Variants in CTBS observed in about 807,000 individuals in gnomAD.
The protein encoded by CTBS is chitobiase.
Under a neutral mutation model 44.3 loss-of-function variants are expected in CTBS, and 35 were observed. The ratio of observed to expected loss-of-function variants is 0.79; its 90% CI spans 0.60 to 1.05. CTBS has a LOEUF of 1.05. Among genes scored for constraint, CTBS ranks in the 50% least tolerant of loss-of-function variants. The pLI is 0.00. For synonymous variants in CTBS, 143 were observed against 168.0 expected, an observed-to-expected ratio of 0.85 and a Z score of 1.15; for missense variants, 458 against 475.3, an observed-to-expected ratio of 0.96 and a Z score of 0.34.
intron 4 of CTBS, 146 bp from the exon 5 acceptor site, chr1:84,563,978 C>A: frequency 1.2e-5 from 10 of 843,166 alleles, no homozygotes; most frequent in Non-Finnish European, 1.6e-5. Flanking sequence ...TATAAAACAT[C>A]CCTTAAGAAC....
At chr1:84,558,212 T>G (rs900121144) in intron 6 of CTBS, among the ~76,000 whole-genome samples, 3 of 152,214 alleles carry the variant, frequency 2.0e-5, no homozygotes, top group Admixed American at 6.5e-5. Context: ...ATAACTTGAT[T>G]TAGCCATTTC....
chr1:84,565,907 C>T lies in CTBS; in HGVS notation c.631G>A (p.Glu211Lys), dbSNP rs1470490095. 1 of 1,596,178 alleles carries T rather than the reference C, an allele frequency of 6.3e-7. No individual in the cohort carries two copies. The highest frequency in any genetic ancestry group is 8.5e-7 in the Non-Finnish European group (1 of 1,172,192). ...CDFLFVMSYDEQSQIWSECIA... is the reference protein window; with the variant it reads ...CDFLFVMSYDKQSQIWSECIA... ...CATTCTGACCAGATCTGACTTTGTTCATCATAAGACATCACAAAGAGGAAG... is the reference window on the plus strand; with the variant it reads ...CATTCTGACCAGATCTGACTTTGTTTATCATAAGACATCACAAAGAGGAAG... The change falls in exon 4 of 7, where the codon GAA becomes AAA. Residue 211 changes from glutamate (E) to lysine (K), a missense_variant. Physicochemically the swap from Glu to Lys is moderately conservative, Grantham distance 56. Transcript: ENST00000370630.
chr1:84,555,225 T>A, intron 6 of CTBS, 26 bp from the exon 7 acceptor site: 24 of 1,489,964 alleles, frequency 1.6e-5, no homozygotes, highest in Non-Finnish European at 2.0e-5. Context: ...AAAATGGAGA[T>A]TTTAAAGTAT....
chr1:84,559,029 A>C (rs913194208), intron 6 of CTBS, among the ~76,000 whole-genome samples: 4 of 152,188 alleles, frequency 2.6e-5, no homozygotes, highest in Non-Finnish European at 4.4e-5. Context: ...TCTATGTTAC[A>C]TATTTTTAAA....
At chr1:84,558,842 A>G (rs1172315537) in intron 6 of CTBS, among the ~76,000 whole-genome samples, 1 of 152,068 alleles carries the variant, frequency 6.6e-6, no homozygotes, top group Non-Finnish European at 1.5e-5. Context: ...TCAAGGCTGC[A>G]GTGAGCCATG....
In CTBS at chr1:84,554,009, G is replaced by C. The variant is rs552657266; in HGVS notation, c.*990C>G. ...TTTAGATCATTAAAAGCACAATGCA[G>C]CTCATGCCTGTAATCCCAGCTCTTT... On this transcript the variant is annotated 3_prime_UTR_variant, in exon 7 of 7. Transcript: ENST00000370630. The C allele has an allele frequency of 6.6e-6, 1 of 152,284 alleles. No individual in the cohort carries two copies. Among genetic ancestry groups the C allele is most frequent in the South Asian group, 2.1e-4 (1 of 4,826 alleles). 9.4% of individuals were successfully genotyped at this position (152,284 alleles called of 1,614,324 possible).
At chr1:84,558,906 AAAG>A (rs1029134037) in intron 6 of CTBS, among the ~76,000 whole-genome samples, 2 of 152,142 alleles carry the variant, frequency 1.3e-5, no homozygotes, top group Non-Finnish European at 2.9e-5. Flanking sequence ...GTCTAAAAAA[AAAG>A]AAGAATGTGT....
In CTBS at chr1:84,555,176, T is replaced by G. The variant is rs1684391989; in HGVS notation, c.981A>C (p.Gln327His). 6.2e-7 allele frequency: 1 copy of G among 1,613,576 alleles called. No homozygotes were observed. The highest frequency in any genetic ancestry group is 1.3e-5 in the African/African-American group (1 of 75,018). Residue 327 changes from glutamine to histidine, a missense_variant, in exon 7 of 7, where the codon CAA becomes CAC. Gln to His is a conservative substitution (Grantham distance 24). Coordinates refer to ENST00000370630, the MANE Select transcript of CTBS (RefSeq NM_004388.3). ...TACTCTGAGGGTTATCATACCATAC[T>G]TGATGAAAGTGGCCAGCAGGATCCT... ...NYKDPAGHFH[Q>H]VWYDNPQSIS...
At chr1:84,562,319 G>T (rs1340904183) in intron 6 of CTBS, among the ~76,000 whole-genome samples, 1 of 152,114 alleles carries the variant, frequency 6.6e-6, no homozygotes, top group African/African-American at 2.4e-5. Context: ...GGAAAGATAA[G>T]ATTACAATAC....
chr1:84,572,989 G>T (rs2102033579), intron 1 of CTBS, among the ~76,000 whole-genome samples: 2 of 152,234 alleles, frequency 1.3e-5, no homozygotes, highest in African/African-American at 4.8e-5. Flanking sequence ...GAAATGTCTG[G>T]TTGAACTTTT....
At chr1:84,562,017 T>A (rs751413157) in intron 6 of CTBS, among the ~76,000 whole-genome samples, 2 of 152,194 alleles carry the variant, frequency 1.3e-5, no homozygotes, top group Non-Finnish European at 2.9e-5. Context: ...TGTAATTGGT[T>A]ACCATAACTT....
At chr1:84,557,820 T>G (rs1280638725) in intron 6 of CTBS, among the ~76,000 whole-genome samples, 25 of 148,400 alleles carry the variant, frequency 1.7e-4, no homozygotes, top group African/African-American at 6.2e-4. Context: ...ATCGCGCCAC[T>G]GCACACCAGC....
At chr1:84,562,523 T>A (rs1439576701) in intron 6 of CTBS, among the ~76,000 whole-genome samples, 1 of 152,204 alleles carries the variant, frequency 6.6e-6, no homozygotes, top group African/African-American at 2.4e-5. Flanking sequence ...TTCACTTATA[T>A]CATTTTAGTA....
chr1:84,573,110 G>A (rs529998329), intron 1 of CTBS, among the ~76,000 whole-genome samples: 1 of 152,292 alleles, frequency 6.6e-6, no homozygotes, highest in South Asian at 2.1e-4. Flanking sequence ...TGGATTTCCT[G>A]CTTAAGCAAA....
In CTBS at chr1:84,554,861, A is replaced by T. The variant is rs566173961; in HGVS notation, c.*138T>A. 3 of 695,170 alleles carry T rather than the reference A, an allele frequency of 4.3e-6. No individual in the cohort carries two copies. Among genetic ancestry groups the T allele is most frequent in the Non-Finnish European group, 6.9e-6 (3 of 434,946 alleles). The allele number at this position is 695,170 out of a possible 1,614,324, so 43.1% of individuals were successfully genotyped here. A position where few individuals can be genotyped will look rare whatever the true frequency, so the allele number is the denominator to read the frequency against. ...CATTCGTGTGTATTTTTCAAATTCA[A>T]ACAATCAAAACATTTATTTATTCTT... On this transcript the variant is annotated 3_prime_UTR_variant, in exon 7 of 7. Transcript: ENST00000370630.
At chr1:84,559,642 C>T (rs896184543) in intron 6 of CTBS, among the ~76,000 whole-genome samples, 6 of 151,644 alleles carry the variant, frequency 4.0e-5, no homozygotes, top group African/African-American at 7.3e-5. Flanking sequence ...GACTTAATAA[C>T]GATATTGAAA....
rs752979880 is a variant in CTBS, at chr1:84,552,960, G to A, written c.*2039C>T. 1 of 1,005,866 alleles carries A rather than the reference G, an allele frequency of 9.9e-7. No homozygotes were observed. Among genetic ancestry groups the A allele is most frequent in the Middle Eastern group, 2.1e-4 (1 of 4,816 alleles). 62.3% of individuals were successfully genotyped at this position (1,005,866 alleles called of 1,614,324 possible). ...CAGTTAAAGCGGTTACAAAAACCCT[G>A]TTTACATGACAACTATGATGTACTT... is the stretch of plus-strand genomic sequence containing the variant. On this transcript the variant is annotated 3_prime_UTR_variant, in exon 7 of 7. Transcript: ENST00000370630.
In CTBS at chr1:84,563,736, TCAGA is replaced by T; in HGVS notation, c.790_793del (p.Ser264ArgfsTer31). ...TATGTAACAAATGACTGTTCCTACCTCAGACAGATTCAGGCAGGTATAATCATAA... is the reference window on the plus strand; with the variant it reads ...TATGTAACAAATGACTGTTCCTACCTCAGATTCAGGCAGGTATAATCATAA... On this transcript the variant is annotated frameshift_variant and splice_region_variant, in exon 5 of 7. Coordinates refer to ENST00000370630, the MANE Select transcript of CTBS (RefSeq NM_004388.3). LOFTEE classifies it high-confidence loss of function. 1 of 1,575,794 alleles carries T rather than the reference TCAGA, an allele frequency of 6.3e-7. No homozygotes were observed. Among genetic ancestry groups the T allele is most frequent in the African/African-American group, 1.4e-5 (1 of 73,904 alleles).
intron 6 of CTBS, among the ~76,000 whole-genome samples, chr1:84,562,907 A>C (rs1684620692): frequency 6.6e-6 from 1 of 152,192 alleles, no homozygotes; most frequent in African/African-American, 2.4e-5. Context: ...GGAGGCTTTC[A>C]GAGATAGTAA....
Sources: allele counts gnomAD v4.1 joint callset (sites outside exome capture counted in the v4.1 genomes callset), GRCh38; gene constraint gnomAD v4.1.1; transcripts MANE v1.5; gene names NCBI Gene and HGNC (gene_info 2026-07-23, HGNC 2026-07-21).